The following VAT1L variants were observed in gnomAD, a reference collection of about 807,000 sequenced individuals.
VAT1L encodes vesicle amine transport 1 like.
In VAT1L, 34 loss-of-function variants were observed where a neutral mutation model predicts 44.1. The observed-to-expected ratio is 0.77, with a 90% CI of 0.59 to 1.03. The LOEUF is 1.03. Among genes scored for constraint, VAT1L ranks in the 50% least tolerant of loss-of-function variants. The pLI is 0.00. For missense variants in VAT1L, 615 were observed against 538.8 expected (o/e 1.14, Z -1.40); for synonymous variants, 253 against 202.2 (o/e 1.25, Z -2.13).
intron 7 of VAT1L, among the ~76,000 whole-genome samples, chr16:77,938,855 A>AT (rs1425461847): frequency 2.0e-5 from 3 of 152,126 alleles, no homozygotes; most frequent in African/African-American, 7.2e-5. Context: ...ACAACAAATC[A>AT]TTTTTTACTT....
chr16:77,880,411 C>T (rs1459002564), intron 6 of VAT1L, among the ~76,000 whole-genome samples: 1 of 152,034 alleles, frequency 6.6e-6, no homozygotes, highest in African/African-American at 2.4e-5. Flanking sequence ...CCGCTTGCCT[C>T]AGCCTCCCAA....
At chr16:77,956,986 C>G (rs1205625932) in intron 7 of VAT1L, among the ~76,000 whole-genome samples, 1 of 152,134 alleles carries the variant, frequency 6.6e-6, no homozygotes, top group Non-Finnish European at 1.5e-5. Flanking sequence ...TGCAAACCAG[C>G]CCTTTTTCTC....
chr16:77,861,450 G>C (rs2016913140), intron 3 of VAT1L, among the ~76,000 whole-genome samples: 1 of 152,156 alleles, frequency 6.6e-6, no homozygotes, highest in African/African-American at 2.4e-5. Flanking sequence ...ATTTCCCCTG[G>C]ACCACTTAAT....
At chr16:77,969,787 T>A (rs2018259310) in intron 7 of VAT1L, among the ~76,000 whole-genome samples, 1 of 152,022 alleles carries the variant, frequency 6.6e-6, no homozygotes, top group Admixed American at 6.5e-5. Context: ...TATATGAAGA[T>A]TCCCGGTGGG....
At chr16:77,834,346 G>T (rs2016615792) in intron 3 of VAT1L, among the ~76,000 whole-genome samples, 1 of 152,172 alleles carries the variant, frequency 6.6e-6, no homozygotes, top group Non-Finnish European at 1.5e-5. Context: ...CTGCTTATAA[G>T]CAGCTGCCCA....
intron 3 of VAT1L, among the ~76,000 whole-genome samples, chr16:77,835,044 T>C (rs1006548251): frequency 4.6e-5 from 7 of 152,238 alleles, no homozygotes; most frequent in Non-Finnish European, 1.0e-4. Flanking sequence ...GGTTTGCTTT[T>C]GTTTTTTTAA....
chr16:77,809,072 A>G (rs1463872751), intron 1 of VAT1L, among the ~76,000 whole-genome samples: 2 of 152,228 alleles, frequency 1.3e-5, no homozygotes, highest in Non-Finnish European at 2.9e-5. Flanking sequence ...CTAGGAGAGC[A>G]AAGTACATTA....
At chr16:77,822,034 T>C (rs1381275670) in intron 2 of VAT1L, among the ~76,000 whole-genome samples, 4 of 152,256 alleles carry the variant, frequency 2.6e-5, no homozygotes, top group Non-Finnish European at 4.4e-5. Flanking sequence ...GCGTCAATAC[T>C]GAACAGGCAC....
intron 7 of VAT1L, among the ~76,000 whole-genome samples, chr16:77,901,781 C>T (rs1036346386): frequency 3.9e-5 from 6 of 152,160 alleles, no homozygotes; most frequent in Admixed American, 6.5e-5. Context: ...TGTGGGTCAC[C>T]CTCACCCCTA....
intron 7 of VAT1L, among the ~76,000 whole-genome samples, chr16:77,962,075 T>A (rs1409768118): frequency 6.6e-6 from 1 of 152,084 alleles, no homozygotes; most frequent in Non-Finnish European, 1.5e-5. Context: ...CACATCCTAA[T>A]TTCCAGAACC....
At chr16:77,871,886 T>G (rs1241160753) in intron 4 of VAT1L, among the ~76,000 whole-genome samples, 1 of 152,074 alleles carries the variant, frequency 6.6e-6, no homozygotes, top group Non-Finnish European at 1.5e-5. Flanking sequence ...ACCCTGAAGG[T>G]TGAGTTGGAG....
chr16:77,816,875 T>G, intron 1 of VAT1L, 46 bp from the exon 2 acceptor site: 1 of 1,544,586 alleles, frequency 6.5e-7, no homozygotes, highest in African/African-American at 1.4e-5. Flanking sequence ...TGCTTTCTTT[T>G]GGATCTCATT....
intron 2 of VAT1L, among the ~76,000 whole-genome samples, chr16:77,820,478 G>A (rs937997693): frequency 8.5e-5 from 13 of 152,266 alleles, no homozygotes; most frequent in Admixed American, 2.0e-4. Context: ...CTCTGTAGGG[G>A]TGTTTCCCAT....
At chr16:77,895,208 C>T (rs1314745495) in intron 7 of VAT1L, among the ~76,000 whole-genome samples, 1 of 152,052 alleles carries the variant, frequency 6.6e-6, no homozygotes, top group Admixed American at 6.6e-5. Context: ...CGCCCCCAGG[C>T]CCTGCCATGC....
intron 3 of VAT1L, among the ~76,000 whole-genome samples, chr16:77,857,915 A>G (rs2016877785): frequency 6.6e-6 from 1 of 151,458 alleles, no homozygotes; most frequent in South Asian, 2.1e-4. Context: ...GAACCTGCAT[A>G]GGTTAATTAA....
chr16:77,895,129 C>T (rs1431170747), intron 7 of VAT1L, among the ~76,000 whole-genome samples: 1 of 151,682 alleles, frequency 6.6e-6, no homozygotes, highest in Non-Finnish European at 1.5e-5. Context: ...CACACATTTC[C>T]GATTTCTACG....
intron 4 of VAT1L, among the ~76,000 whole-genome samples, chr16:77,869,619 T>G (rs1487055540): frequency 6.6e-6 from 1 of 152,076 alleles, no homozygotes; most frequent in Non-Finnish European, 1.5e-5. Flanking sequence ...CAGTGAGCTG[T>G]GGGCATGTCA....
intron 3 of VAT1L, among the ~76,000 whole-genome samples, chr16:77,855,501 T>C (rs1567488739): frequency 6.6e-6 from 1 of 152,204 alleles, no homozygotes; most frequent in East Asian, 1.9e-4. Context: ...TGCCCTTCAT[T>C]GTCTGCATAT....
intron 7 of VAT1L, among the ~76,000 whole-genome samples, chr16:77,952,799 C>G (rs435650): frequency 0.99 from 147,066 of 149,202 alleles, 72,518 homozygotes; most frequent in Middle Eastern, 1. Flanking sequence ...AGAGGTTGCA[C>G]TGAGCCAAGA....
Sources: allele counts gnomAD v4.1 joint callset (sites outside exome capture counted in the v4.1 genomes callset), GRCh38; gene constraint gnomAD v4.1.1; transcripts MANE v1.5; gene names NCBI Gene and HGNC (gene_info 2026-07-23, HGNC 2026-07-21).